SLFN14: variants seen among roughly 807,000 people sequenced by gnomAD.
SLFN14 encodes protein SLFN14.
A neutral mutation model predicts 58.6 loss-of-function variants in SLFN14; 47 were observed. The observed-to-expected ratio is 0.80, with a 90% CI of 0.64 to 1.02. SLFN14 has a LOEUF of 1.02. SLFN14 is among the 50% of genes least tolerant of loss of function. The pLI, the probability that SLFN14 is intolerant of heterozygous loss-of-function variation, is 0.00. For synonymous variants in SLFN14, 390 were observed against 387.3 expected (o/e 1.01, Z -0.08); for missense variants, 967 against 1,078.4 (o/e 0.90, Z 1.45).
Position 35,545,035 on chromosome 17 carries a change from T to C in SLFN14, c.*3204A>G, listed in dbSNP as rs913051714. Among the ~76,000 whole-genome samples, 2 of 152,196 alleles carry C rather than the reference T, an allele frequency of 1.3e-5. No individual in the cohort carries two copies. Among genetic ancestry groups the C allele is most frequent in the Admixed American group, 6.5e-5 (1 of 15,276 alleles). ...ATTGAGAATTCTAAAACAACCAAGT[T>C]AGTCCATTATTCTTAGTCCCCACCA... On this transcript the variant is annotated 3_prime_UTR_variant, in exon 6 of 6. Transcript: ENST00000674182.
chr17:35,548,551 G>A lies in SLFN14; in HGVS notation c.2427C>T (p.Gly809=). The change falls in exon 6 of 6, where the codon GGC becomes GGT. Residue 809 remains glycine (G), a synonymous_variant. Transcript: ENST00000674182. ...ARKCHSLFQC[G]YLPKDIAILC... ...GAATTGCTATATCTTTGGGCAGATA[G>A]CCACACTGGAACAGGCTGTGACATT... The A allele has an allele frequency of 3.9e-6, 6 of 1,551,724 alleles. No homozygotes were observed. The highest frequency in any genetic ancestry group is 5.2e-6 in the Non-Finnish European group (6 of 1,146,994).
intron 3 of SLFN14, among the ~76,000 whole-genome samples, chr17:35,555,589 C>T (rs1597909446): frequency 6.6e-6 from 1 of 152,014 alleles, no homozygotes; most frequent in South Asian, 2.1e-4. Context: ...TGTTTATGTC[C>T]CCATCTAAGG....
In SLFN14 at chr17:35,548,285, G is replaced by T; in HGVS notation, c.2693C>A (p.Ala898Asp). ...ATAAAGCAGGTAGAGGTGTTTAATG[G>T]CTCTTGAAGCAAAGCAGAGCTTATG... ...EFHKLCFASR[A>D]IKHLYLLYEK... The change falls in exon 6 of 6, where the codon GCC becomes GAC. Residue 898 changes from alanine to aspartate, a missense_variant. Coordinates refer to ENST00000674182, the MANE Select transcript of SLFN14 (RefSeq NM_001129820.2). 1 of 1,551,650 alleles carries T rather than the reference G, an allele frequency of 6.4e-7. No individual in the cohort carries two copies. Among genetic ancestry groups the T allele is most frequent in the Non-Finnish European group, 8.7e-7 (1 of 1,146,980 alleles).
chr17:35,548,484 G>A lies in SLFN14; in HGVS notation c.2494C>T (p.Leu832=), dbSNP rs1171983919. The A allele has an allele frequency of 1.3e-6, 2 of 1,551,728 alleles. No homozygotes were observed. The highest frequency in any genetic ancestry group is 3.9e-5 in the Admixed American group (2 of 51,006). The change falls in exon 6 of 6, where the codon CTA becomes TTA. Residue 832 remains leucine, a synonymous_variant. Coordinates refer to ENST00000674182, the MANE Select transcript of SLFN14 (RefSeq NM_001129820.2). ...GEDRGRYRLA[L]LKAMELIETH... ...TCAATTAATTCCATTGCTTTGAGTA[G>A]TGCAAGCCTATAGCGTCCTCTGTCC...
At position 35,545,664 on chromosome 17, in the gene SLFN14, T is replaced by G. The variant is rs2072528580; in HGVS notation, c.*2575A>C. Among the ~76,000 whole-genome samples, 1 of 151,982 alleles carries G rather than the reference T, an allele frequency of 6.6e-6. No homozygotes were observed. The highest frequency in any genetic ancestry group is 1.9e-4 in the East Asian group (1 of 5,182). On this transcript the variant is annotated 3_prime_UTR_variant, in exon 6 of 6. Transcript: ENST00000674182. ...CATGCACCACCATGCCCAACTAAGT[T>G]TTTAAAAAAATTTTTTTTGTAGAGA... is the stretch of plus-strand genomic sequence containing the variant.
intron 2 of SLFN14, 27 bp from the exon 3 acceptor site, chr17:35,558,133 C>T: frequency 7.8e-7 from 1 of 1,276,022 alleles, no homozygotes; most frequent in Non-Finnish European, 1.1e-6. Context: ...AATATTGTTT[C>T]TATATTAATA....
Position 35,544,296 on chromosome 17 carries a change from T to C in SLFN14, c.*3943A>G, listed in dbSNP as rs2072519318. ...AAAATATCTCTACCTCTAATGTTAGTAACTACAAAGGGTATAGATATAGAG... is the reference window on the plus strand; with the variant it reads ...AAAATATCTCTACCTCTAATGTTAGCAACTACAAAGGGTATAGATATAGAG... On this transcript the variant is annotated 3_prime_UTR_variant, in exon 6 of 6. Coordinates refer to ENST00000674182, the MANE Select transcript of SLFN14 (RefSeq NM_001129820.2). 6.6e-6 allele frequency among the ~76,000 whole-genome samples: 1 copy of C among 152,186 alleles called. No homozygotes were observed. Among genetic ancestry groups the C allele is most frequent in the South Asian group, 2.1e-4 (1 of 4,832 alleles).
In SLFN14 at chr17:35,552,753, G is replaced by T. The variant is rs541898258; in HGVS notation, c.1881C>A (p.Ser627Arg). ...ACGTCACAAAATCCTTTAGGGAGTC[G>T]CTTTCACAAACATAGAGGATCTCTT... is the stretch of plus-strand genomic sequence containing the variant. ...KPKEILYVCE[S>R]DSLKDFVTQQ... is the part of the protein sequence containing the mutation. The change falls in exon 5 of 6, where the codon AGC becomes AGA. Residue 627 changes from serine to arginine, a missense_variant. Transcript: ENST00000674182. The T allele has an allele frequency of 5.8e-6, 9 of 1,548,386 alleles. No homozygotes were observed. The highest frequency in any genetic ancestry group is 7.9e-6 in the Non-Finnish European group (9 of 1,146,126).
Position 35,552,875 on chromosome 17 carries a change from G to A in SLFN14, c.1759C>T (p.Arg587Cys), listed in dbSNP as rs1036320102. The A allele has an allele frequency of 6.6e-5, 103 of 1,551,290 alleles. 1 individual carries two copies. Among genetic ancestry groups the A allele is most frequent in the Admixed American group, 2.4e-4 (12 of 50,936 alleles). ...QLLSESLQKT[R>C]ELFIYCFPGV... ...GGAAAGCAGTAGATGAATAATTCACGTGTCTTCTGAAGACTCTCAGAAAGC... is the reference window on the plus strand; with the variant it reads ...GGAAAGCAGTAGATGAATAATTCACATGTCTTCTGAAGACTCTCAGAAAGC... Residue 587 changes from arginine (R) to cysteine (C), a missense_variant, in exon 5 of 6, where the codon CGT becomes TGT. Physicochemically the swap from Arg to Cys is radical, Grantham distance 180 (BLOSUM62 -3). Coordinates refer to ENST00000674182, the MANE Select transcript of SLFN14 (RefSeq NM_001129820.2).
intron 3 of SLFN14, among the ~76,000 whole-genome samples, chr17:35,555,566 A>T (rs1597909419): frequency 1.4e-5 from 2 of 144,220 alleles, no homozygotes; most frequent in African/African-American, 2.6e-5. Context: ...AAAAAAAAAA[A>T]TGTTGTTACA....
At chr17:35,554,747 A>C in intron 3 of SLFN14, 43 bp from the exon 4 acceptor site, 1 of 1,244,336 alleles carries the variant, frequency 8.0e-7, no homozygotes, top group Non-Finnish European at 1.0e-6. Flanking sequence ...AAAAATAAAA[A>C]GTTAAAAAAA....
chr17:35,555,882 C>T (rs2072648004), intron 3 of SLFN14, among the ~76,000 whole-genome samples: 1 of 152,154 alleles, frequency 6.6e-6, no homozygotes, highest in Admixed American at 6.5e-5. Flanking sequence ...CTAGCATCTC[C>T]TTTTGCATCA....
Position 35,552,905 on chromosome 17 carries a change from G to C in SLFN14, c.1729C>G (p.Gln577Glu). 1 of 1,551,572 alleles carries C rather than the reference G, an allele frequency of 6.4e-7. No homozygotes were observed. The highest frequency in any genetic ancestry group is 2.0e-5 in the Admixed American group (1 of 50,982). ...FFNLLIMEQS[Q>E]LLSESLQKTR... ...TTCTGAAGACTCTCAGAAAGCAACT[G>C]GCTCTGCTCCATTATGAGCAAGTTG... is the stretch of plus-strand genomic sequence containing the variant. The change falls in exon 5 of 6, where the codon CAG becomes GAG. Residue 577 changes from glutamine (Q) to glutamate (E), a missense_variant. Gln to Glu is a conservative substitution (Grantham distance 29, BLOSUM62 2). Coordinates refer to ENST00000674182, the MANE Select transcript of SLFN14 (RefSeq NM_001129820.2).
chr17:35,551,117 A>G (rs914293789), intron 5 of SLFN14, among the ~76,000 whole-genome samples: 2 of 152,240 alleles, frequency 1.3e-5, no homozygotes, highest in African/African-American at 4.8e-5. Flanking sequence ...AAGGTTGAAC[A>G]TTATAAATTA....
rs181692308 is a variant in SLFN14, at chr17:35,557,722, G to A, written c.341C>T (p.Pro114Leu). The A allele has an allele frequency of 1.5e-5, 23 of 1,551,688 alleles. No homozygotes were observed. In the East Asian group the frequency reaches 5.4e-4, roughly 36 times the overall value. Reference protein sequence around the residue: ...NLLIFVKSWSPDVFSLPLRIC... With the variant: ...NLLIFVKSWSLDVFSLPLRIC... ...CCTTAGTGGAAGGCTGAAAACATCT[G>A]GGCTCCATGACTTCACAAAAATCAG... Residue 114 changes from proline to leucine, a missense_variant, in exon 3 of 6, where the codon CCA (proline) becomes CTA (leucine). By Grantham distance (98) the Pro-to-Leu change is moderately conservative. Transcript: ENST00000674182.
At chr17:35,560,376 A>T (rs2072688561) in intron 1 of SLFN14, among the ~76,000 whole-genome samples, 1 of 152,116 alleles carries the variant, frequency 6.6e-6, no homozygotes, top group Non-Finnish European at 1.5e-5. Context: ...CCCAGGCTGG[A>T]GTGCAGTGGC....
rs1238870744 is a variant in SLFN14 at position 35,546,512 on chromosome 17, CAT to C, written c.*1725_*1726del. Among the ~76,000 whole-genome samples, 3 of 152,210 alleles carry C rather than the reference CAT, an allele frequency of 2.0e-5. No homozygotes were observed. Among genetic ancestry groups the C allele is most frequent in the Admixed American group, 6.5e-5 (1 of 15,280 alleles). The stretch of plus-strand genomic sequence containing the variant: ...TCTAAAATCATAACCAAAATTTCCA[CAT>C]GTCTCCTGGATTCAAGCCTCCCCAG... On this transcript the variant is annotated 3_prime_UTR_variant, in exon 6 of 6. Transcript: ENST00000674182.
chr17:35,557,060 A>G lies in SLFN14; in HGVS notation c.1003T>C (p.Ser335Pro). 1 of 1,551,712 alleles carries G rather than the reference A, an allele frequency of 6.4e-7. No individual in the cohort carries two copies. Among genetic ancestry groups the G allele is most frequent in the Non-Finnish European group, 8.7e-7 (1 of 1,146,990 alleles). Residue 335 changes from serine to proline, a missense_variant, in exon 3 of 6, where the codon TCT becomes CCT. Coordinates refer to ENST00000674182, the MANE Select transcript of SLFN14 (RefSeq NM_001129820.2). Reference protein sequence around the residue: ...APDSWIMKDNSVTRLTAEQWV... With the variant: ...APDSWIMKDNPVTRLTAEQWV... Reference sequence around the variant, plus strand: ...TGCTCAGCTGTCAGCCGTGTGACAGAATTGTCTTTCATGATCCAGGAATCT... The same window carrying G: ...TGCTCAGCTGTCAGCCGTGTGACAGGATTGTCTTTCATGATCCAGGAATCT...
In SLFN14 at chr17:35,548,479, G is replaced by C; in HGVS notation, c.2499C>G (p.Leu833=). 1 of 1,551,712 alleles carries C rather than the reference G, an allele frequency of 6.4e-7. No individual in the cohort carries two copies. Among genetic ancestry groups the C allele is most frequent in the Non-Finnish European group, 8.7e-7 (1 of 1,147,000 alleles). Residue 833 remains leucine (L), a synonymous_variant, in exon 6 of 6, where the codon CTC becomes CTG. Coordinates refer to ENST00000674182, the MANE Select transcript of SLFN14 (RefSeq NM_001129820.2). ...GGGTCTCAATTAATTCCATTGCTTT[G>C]AGTAGTGCAAGCCTATAGCGTCCTC... The part of the protein sequence containing the change: ...EDRGRYRLAL[L]KAMELIETHR...
Sources: allele counts gnomAD v4.1 joint callset (sites outside exome capture counted in the v4.1 genomes callset), GRCh38; gene constraint gnomAD v4.1.1; transcripts MANE v1.5; gene names NCBI Gene and HGNC (gene_info 2026-07-23, HGNC 2026-07-21).